NAV1: variants seen among roughly 807,000 people sequenced by gnomAD.
NAV1 encodes pore membrane and/or filament interacting like protein 3.
In NAV1, 18 loss-of-function variants were observed where a neutral mutation model predicts 175.2. The observed-to-expected ratio is 0.10, with a 90% CI of 0.07 to 0.15. The LOEUF (loss-of-function observed/expected upper bound fraction) is 0.15. NAV1 is among the 10% of genes least tolerant of loss of function. NAV1 has a pLI of 1.00. For missense variants in NAV1, 1,731 were observed against 2,436.6 expected (o/e 0.71, Z 6.10); for synonymous variants, 897 against 978.7 (o/e 0.92, Z 1.56).
intron 2 of NAV1, 21 bp downstream of exon 6, chr1:201,712,940 G>T (rs768152679): frequency 1.3e-6 from 2 of 1,576,292 alleles, no homozygotes; most frequent in South Asian, 2.2e-5. Context: ...GCTGCAGAGA[G>T]GGTCATGCCC....
intron 3 of NAV1, among the ~76,000 whole-genome samples, chr1:201,737,061 G>A (rs1259948951): frequency 6.6e-6 from 1 of 151,998 alleles, no homozygotes; most frequent in African/African-American, 2.4e-5. Flanking sequence ...TGACAGGCAA[G>A]GTCAGGGCCC....
At chr1:201,763,619 A>G (rs2102642279) in intron 3 of NAV1, among the ~76,000 whole-genome samples, 1 of 152,272 alleles carries the variant, frequency 6.6e-6, no homozygotes, top group African/African-American at 2.4e-5. Context: ...GTTGGTCCTA[A>G]TTAAGGAGAC....
In NAV1 at chr1:201,648,578, C is replaced by T. The variant is rs542676143; in HGVS notation, c.-91C>T. 598 of 1,258,344 alleles carry T rather than the reference C, an allele frequency of 4.8e-4. 3 individuals are homozygous for T. The African/African-American group carries it at 6.9e-3, about 15-fold the overall frequency. The allele number at this position is 1,258,344 out of a possible 1,614,324, so 77.9% of individuals were successfully genotyped here. A position where few individuals can be genotyped will look rare whatever the true frequency, so the allele number is the denominator to read the frequency against. On this transcript the variant is annotated 5_prime_UTR_variant, in exon 1 of 30. Transcript: ENST00000367296. ...CCGTCCTCTCTCTCCCCCTCCTCCT[C>T]CCCCGCCTCCTCCTCCTGCGCTCCC...
At position 201,591,264 on chromosome 1, in the gene NAV1, C is replaced by T. The variant is rs151192138; in HGVS notation, c.-33+2615C>T. On this transcript the variant is annotated intron_variant, in intron 2 of 33. Coordinates refer to the NAV1 transcript ENST00000685211. The stretch of plus-strand genomic sequence containing the variant: ...AGATTTTCTTCTCATCCTTAATGTG[C>T]GATGGGGTCACCTGGGGGAGACGAG... Among the ~76,000 whole-genome samples, 505 of 152,304 alleles carry T rather than the reference C, an allele frequency of 3.3e-3. 4 individuals are homozygous for T. Among genetic ancestry groups the T allele is most frequent in the Non-Finnish European group, 5.8e-3 (392 of 68,032 alleles).
intron 10 of NAV1, 145 bp from the exon 15 acceptor site, chr1:201,789,595 C>A: frequency 2.8e-6 from 2 of 721,198 alleles, no homozygotes; most frequent in Non-Finnish European, 2.5e-6. Flanking sequence ...TGTTTTGATA[C>A]CAGCTGGGTT....
intron 1 of NAV1, among the ~76,000 whole-genome samples, chr1:201,698,647 C>T (rs1671286326): frequency 6.6e-6 from 1 of 152,180 alleles, no homozygotes; most frequent in African/African-American, 2.4e-5. Context: ...AGTTCTGGTG[C>T]AGGCAGGAGT....
chr1:201,663,185 G>A (rs1669681382), intron 1 of NAV1, among the ~76,000 whole-genome samples: 2 of 152,230 alleles, frequency 1.3e-5, no homozygotes, highest in African/African-American at 2.4e-5. Flanking sequence ...CACAATGAGA[G>A]AAGAAAACAT....
At chr1:201,720,686 C>G (rs1197084601) in intron 3 of NAV1, among the ~76,000 whole-genome samples, 1 of 152,206 alleles carries the variant, frequency 6.6e-6, no homozygotes, top group African/African-American at 2.4e-5. Flanking sequence ...AACAGTAGAA[C>G]TTATCTCAGG....
Position 201,750,011 on chromosome 1 carries a change from G to T in NAV1, c.1227-30410G>T, listed in dbSNP as rs1674004719. On this transcript the variant is annotated intron_variant, in intron 3 of 29. Coordinates refer to ENST00000367296, the Ensembl canonical transcript of NAV1. This position sits in a 1 kb window ranked among gnomAD's most constrained non-coding sequence, Gnocchi z 4.1. ...CTCTAGAGGATTTTGCTTTCAGATT[G>T]CTTTATGTTGTTAAAATTTTGCTCC... is the stretch of plus-strand genomic sequence containing the variant. 6.6e-6 allele frequency among the ~76,000 whole-genome samples: 1 copy of T among 152,184 alleles called. No homozygotes were observed. The highest frequency in any genetic ancestry group is 2.4e-5 in the African/African-American group (1 of 41,448).
intron 3 of NAV1, among the ~76,000 whole-genome samples, chr1:201,777,792 A>G (rs1223149808): frequency 6.6e-6 from 1 of 152,038 alleles, no homozygotes; most frequent in Non-Finnish European, 1.5e-5. Flanking sequence ...GTCTACTAAA[A>G]ATACAAAAAT....
chr1:201,662,873 G>A (rs567415744), intron 1 of NAV1, among the ~76,000 whole-genome samples: 1 of 116,648 alleles, frequency 8.6e-6, no homozygotes, highest in South Asian at 2.5e-4. Context: ...TAGACTCTTG[G>A]TTGTGCATTT....
chr1:201,707,673 A>G (rs1558085034), intron 1 of NAV1, among the ~76,000 whole-genome samples: 1 of 152,180 alleles, frequency 6.6e-6, no homozygotes, highest in Non-Finnish European at 1.5e-5. Flanking sequence ...AACAGAGAGA[A>G]AGACCCTTTT....
intron 2 of NAV1, among the ~76,000 whole-genome samples, chr1:201,639,184 G>A (rs1668683465): frequency 6.6e-6 from 1 of 152,214 alleles, no homozygotes; most frequent in African/African-American, 2.4e-5. Context: ...TTAGAGGAAA[G>A]CATTAGAGGT....
chr1:201,678,735 C>T (rs1571879531), intron 1 of NAV1, among the ~76,000 whole-genome samples: 1 of 152,198 alleles, frequency 6.6e-6, no homozygotes. Flanking sequence ...TTCTTACCAC[C>T]CACTCACCAC....
chr1:201,684,767 G>T (rs1018411548), intron 1 of NAV1, among the ~76,000 whole-genome samples: 1 of 151,664 alleles, frequency 6.6e-6, no homozygotes, highest in African/African-American at 2.4e-5. Context: ...GAGCCACTGT[G>T]CCCAGCCTAT....
rs760595253 is a variant in NAV1 at position 201,812,683 on chromosome 1, C to T, written c.5221+22C>T. 23 of 1,606,520 alleles carry T rather than the reference C, an allele frequency of 1.4e-5. No individual in the cohort carries two copies. Among genetic ancestry groups the T allele is most frequent in the South Asian group, 8.8e-5 (8 of 90,854 alleles). On this transcript the variant is annotated intron_variant, in intron 27 of 29. Transcript: ENST00000367296. This position sits in a 1 kb window ranked among gnomAD's most constrained non-coding sequence, Gnocchi z 4.6. Reference sequence around the variant, plus strand: ...ATCGGTACTGGGGTCCAGCTTCCCCCGGGGGTCAGGAGGTGGCTTCCCTTT... The same window carrying T: ...ATCGGTACTGGGGTCCAGCTTCCCCTGGGGGTCAGGAGGTGGCTTCCCTTT...
chr1:201,786,651 G>A, intron 9 of NAV1, 74 bp downstream of exon 13: 2 of 1,471,568 alleles, frequency 1.4e-6, no homozygotes, highest in Non-Finnish European at 1.8e-6. Context: ...CAAGGCAGGT[G>A]GGCTTTGGGT....
At chr1:201,727,996 A>G (rs1672680375) in intron 3 of NAV1, among the ~76,000 whole-genome samples, 2 of 152,202 alleles carry the variant, frequency 1.3e-5, no homozygotes, top group Admixed American at 1.3e-4. Flanking sequence ...TGCAGGGGGC[A>G]TAGGTGGGAC....
chr1:201,586,833 A>G (rs1430461379), intron 1 of NAV1, among the ~76,000 whole-genome samples: 1 of 152,192 alleles, frequency 6.6e-6, no homozygotes, highest in East Asian at 1.9e-4. Context: ...TGTGGGTTAG[A>G]CCTTCAAAAC....
Sources: gnomAD v4.1 joint callset for allele counts (sites outside exome capture counted in the v4.1 genomes callset) on GRCh38, gnomAD v4.1.1 for gene constraint, Gnocchi (gnomAD v3.1) non-coding constraint, MANE v1.5 for transcripts, NCBI Gene and HGNC (gene_info 2026-07-23, HGNC 2026-07-21) for gene names.